PTPRT: variants seen among roughly 807,000 people sequenced by gnomAD.
PTPRT encodes protein tyrosine phosphatase receptor type T.
PTPRT carries 56 observed loss-of-function variants against 176.8 expected under a neutral mutation model. The observed-to-expected ratio is 0.32, with a 90% confidence interval of 0.26 to 0.40. The LOEUF is 0.40. Ranked by LOEUF, PTPRT falls within the 10% of genes least tolerant of loss-of-function variation. The pLI is 1.00. For missense variants in PTPRT, 1,540 were observed against 1,908.2 expected (o/e 0.81, Z 3.60); for synonymous variants, 783 against 739.0 (o/e 1.06, Z -0.96).
intron 11 of PTPRT, among the ~76,000 whole-genome samples, chr20:42,329,157 GA>G (rs893471070): frequency 9.9e-5 from 15 of 152,202 alleles, no homozygotes; most frequent in Non-Finnish European, 1.5e-5. Flanking sequence ...TCAAGACTCA[GA>G]TGAATAGATA....
chr20:43,029,584 T>C (rs934518029), intron 1 of PTPRT, among the ~76,000 whole-genome samples: 23 of 152,224 alleles, frequency 1.5e-4, no homozygotes, highest in African/African-American at 5.3e-4. Flanking sequence ...TAATTTGTAT[T>C]ATTGTTCAAA....
At chr20:43,022,296 G>C (rs1985719629) in intron 1 of PTPRT, among the ~76,000 whole-genome samples, 1 of 152,120 alleles carries the variant, frequency 6.6e-6, no homozygotes, top group African/African-American at 2.4e-5. Flanking sequence ...GAACGCCCTG[G>C]ATTGCTGGCA....
At chr20:42,234,832 A>G (rs773160797) in intron 15 of PTPRT, among the ~76,000 whole-genome samples, 6 of 152,234 alleles carry the variant, frequency 3.9e-5, no homozygotes, top group Non-Finnish European at 8.8e-5. Flanking sequence ...TGAGGGTGGT[A>G]GTACCCGTCC....
the PTPRT span, among the ~76,000 whole-genome samples, chr20:42,057,167 T>A: frequency 6.6e-6 from 1 of 152,202 alleles, no homozygotes; most frequent in Non-Finnish European, 1.5e-5. Context: ...GGATATTCAA[T>A]AATTACTGGA....
At chr20:42,535,474 ATAAAAGT>A (rs2072460508) in intron 7 of PTPRT, among the ~76,000 whole-genome samples, 1 of 152,204 alleles carries the variant, frequency 6.6e-6, no homozygotes, top group Non-Finnish European at 1.5e-5. Context: ...AGCCTATAAA[ATAAAAGT>A]TAAAATACAT....
intron 2 of PTPRT, among the ~76,000 whole-genome samples, chr20:42,866,445 C>A (rs1318811261): frequency 6.6e-6 from 1 of 152,066 alleles, no homozygotes; most frequent in Non-Finnish European, 1.5e-5. Context: ...ACCTCCAACC[C>A]CCTTTTCCTC....
intron 7 of PTPRT, among the ~76,000 whole-genome samples, chr20:42,583,935 C>T (rs1035193251): frequency 5.3e-5 from 8 of 152,140 alleles, no homozygotes; most frequent in Non-Finnish European, 7.3e-5. Context: ...TGTCTTCCAG[C>T]CAATTCTAGA....
chr20:43,039,356 TAAA>T (rs534437792), intron 1 of PTPRT, among the ~76,000 whole-genome samples: 2 of 124,038 alleles, frequency 1.6e-5, no homozygotes, highest in African/African-American at 8.2e-5. Context: ...AATAAAATGA[TAAA>T]AAAAAAACCA....
In PTPRT at chr20:42,187,493, G is replaced by C. The variant is rs139912484; in HGVS notation, c.2491+11747C>G. Among the ~76,000 whole-genome samples, 893 of 152,316 alleles carry C rather than the reference G, an allele frequency of 5.9e-3. 1 individual carries two copies. The highest frequency in any genetic ancestry group is 0.014 in the Middle Eastern group (4 of 294). On this transcript the variant is annotated intron_variant, in intron 16 of 30. Coordinates refer to ENST00000373187, the MANE Select transcript of PTPRT (RefSeq NM_007050.6). ...GTGATGCACTGAGCATAGGGGCTTT[G>C]CCCATCCTTGGCCCTTTGCTATTTC...
At chr20:42,338,771 C>G (rs1018661728) in intron 11 of PTPRT, among the ~76,000 whole-genome samples, 1 of 152,142 alleles carries the variant, frequency 6.6e-6, no homozygotes, top group Non-Finnish European at 1.5e-5. Flanking sequence ...CAAGGTAGTT[C>G]TCTTGGGATT....
chr20:42,314,561 A>G (rs2057688102), intron 12 of PTPRT, among the ~76,000 whole-genome samples: 1 of 151,810 alleles, frequency 6.6e-6, no homozygotes, highest in South Asian at 2.1e-4. Flanking sequence ...AGAAAAGAAA[A>G]GAAAAGAAAT....
chr20:42,239,039 AT>A (rs1479999597), intron 14 of PTPRT, among the ~76,000 whole-genome samples: 1 of 152,204 alleles, frequency 6.6e-6, no homozygotes, highest in African/African-American at 2.4e-5. Flanking sequence ...CTAAATTGAT[AT>A]TAGATTATAT....
chr20:42,357,954 G>T (rs1285113887), intron 9 of PTPRT, among the ~76,000 whole-genome samples: 5 of 152,074 alleles, frequency 3.3e-5, no homozygotes, highest in Admixed American at 1.3e-4. Context: ...AAAAAAGTTT[G>T]AAGGTCATAG....
At chr20:42,752,301 C>T (rs748701883) in intron 6 of PTPRT, among the ~76,000 whole-genome samples, 4 of 152,264 alleles carry the variant, frequency 2.6e-5, no homozygotes, top group African/African-American at 4.8e-5. Context: ...GTTCTAAGAA[C>T]TCCTACATCC....
At chr20:42,206,286 T>C (rs1437978962) in intron 15 of PTPRT, among the ~76,000 whole-genome samples, 1 of 152,164 alleles carries the variant, frequency 6.6e-6, no homozygotes, top group Non-Finnish European at 1.5e-5. Flanking sequence ...GGAGCCAAGA[T>C]GGCCGAATAG....
chr20:42,890,576 G>T (rs1201373639), intron 1 of PTPRT, among the ~76,000 whole-genome samples: 1 of 152,104 alleles, frequency 6.6e-6, no homozygotes, highest in East Asian at 1.9e-4. Context: ...TACAGGCTAG[G>T]GTGTCCTGCC....
intron 15 of PTPRT, among the ~76,000 whole-genome samples, chr20:42,222,458 C>CTCCT (rs2055907653): frequency 6.6e-6 from 1 of 152,188 alleles, no homozygotes; most frequent in Non-Finnish European, 1.5e-5. Context: ...TACACCCTCT[C>CTCCT]TCCTTCCTTC....
intron 7 of PTPRT, among the ~76,000 whole-genome samples, chr20:42,477,392 T>C (rs2071309358): frequency 6.6e-6 from 1 of 150,530 alleles, no homozygotes; most frequent in African/African-American, 2.4e-5. Flanking sequence ...TATATATATA[T>C]ATTTTTTTTG....
At chr20:42,257,636 T>TCCCCCCCCCCCCCCCCCCCC (rs1485904252) in intron 13 of PTPRT, among the ~76,000 whole-genome samples, 2 of 6,650 alleles carry the variant, frequency 3.0e-4, no homozygotes, top group Admixed American at 1.2e-3. Flanking sequence ...GTGTAGCACC[T>TCCCCCCCCCCCCCCCCCCCC]CCCCCCACCC....
Sources: gnomAD v4.1 joint callset for allele counts (sites outside exome capture counted in the v4.1 genomes callset) on GRCh38, gnomAD v4.1.1 for gene constraint, MANE v1.5 for transcripts, NCBI Gene and HGNC (gene_info 2026-07-23, HGNC 2026-07-21) for gene names.